The following GPR158 variants were observed in gnomAD, a reference collection of about 807,000 sequenced individuals.
The protein encoded by GPR158 is G protein-coupled receptor 158.
Under a neutral mutation model 78.2 loss-of-function variants are expected in GPR158, and 30 were observed. The ratio of observed to expected loss-of-function variants is 0.38; its 90% confidence interval spans 0.29 to 0.52. GPR158 has a LOEUF of 0.52. GPR158 is among the 20% of genes least tolerant of loss of function. The pLI, the probability that GPR158 is intolerant of heterozygous loss-of-function variation, is 0.83. For missense variants in GPR158, 1,463 were observed against 1,523.5 expected, an observed-to-expected ratio of 0.96 and a Z score of 0.66; for synonymous variants, 581 against 591.1, an observed-to-expected ratio of 0.98 and a Z score of 0.25.
intron 6 of GPR158, among the ~76,000 whole-genome samples, chr10:25,561,014 GAGTA>G (rs1392190672): frequency 7.2e-5 from 11 of 152,028 alleles, no homozygotes. Flanking sequence ...CTTGAATTAA[GAGTA>G]AGAGCAGATC....
chr10:25,323,002 A>G (rs1191267968), intron 2 of GPR158, among the ~76,000 whole-genome samples: 1 of 151,984 alleles, frequency 6.6e-6, no homozygotes, highest in Non-Finnish European at 1.5e-5. Context: ...GCCCGCCACC[A>G]TGCCCGGCTA....
chr10:25,295,538 C>A (rs920872347), intron 2 of GPR158, among the ~76,000 whole-genome samples: 2 of 151,914 alleles, frequency 1.3e-5, no homozygotes, highest in Non-Finnish European at 2.9e-5. Context: ...CTCAGCCTCC[C>A]GAGTAGCTGG....
At chr10:25,255,792 T>C (rs1853882024) in intron 2 of GPR158, among the ~76,000 whole-genome samples, 1 of 152,192 alleles carries the variant, frequency 6.6e-6, no homozygotes, top group African/African-American at 2.4e-5. Flanking sequence ...ATAATTTTCA[T>C]TTTGACTCAA....
At chr10:25,425,466 G>A (rs987558156) in intron 4 of GPR158, among the ~76,000 whole-genome samples, 1 of 151,826 alleles carries the variant, frequency 6.6e-6, no homozygotes, top group Admixed American at 6.6e-5. Context: ...TCGGCCATTT[G>A]TATATCTTCT....
At chr10:25,567,175 A>G (rs1249262914) in intron 6 of GPR158, among the ~76,000 whole-genome samples, 1 of 152,204 alleles carries the variant, frequency 6.6e-6, no homozygotes, top group Non-Finnish European at 1.5e-5. Context: ...GCAAAATCAC[A>G]TACAAATGCA....
chr10:25,587,100 G>A (rs935860106), intron 7 of GPR158, among the ~76,000 whole-genome samples: 7 of 152,180 alleles, frequency 4.6e-5, no homozygotes. Flanking sequence ...AAGAGAAGTT[G>A]GTCAACAGGA....
At chr10:25,575,122 G>A (rs763821998) in intron 7 of GPR158, among the ~76,000 whole-genome samples, 30 of 151,816 alleles carry the variant, frequency 2.0e-4, no homozygotes, top group Admixed American at 5.2e-4. Context: ...ATGAAACATG[G>A]AGGAAATGCC....
intron 7 of GPR158, among the ~76,000 whole-genome samples, chr10:25,586,391 ATT>A (rs71399977): frequency 0.023 from 1,616 of 70,202 alleles, 6 homozygotes; most frequent in African/African-American, 0.029. Flanking sequence ...GTATGTGTGA[ATT>A]TTTTTTTTTT....
rs1837248400 is a variant in GPR158, at chr10:25,585,036, A to G, written c.1754-3971A>G. On this transcript the variant is annotated intron_variant, in intron 7 of 10. Transcript: ENST00000376351. ...ATTGTCCAGTGGGAGGTCCCAGGTT[A>G]CAAAACCAATCAGCTATTTGGCTGT... 3.3e-5 allele frequency among the ~76,000 whole-genome samples: 5 copies of G among 152,368 alleles called. No homozygotes were observed. In the South Asian group the frequency reaches 1.0e-3, roughly 32 times the overall value.
intron 2 of GPR158, among the ~76,000 whole-genome samples, chr10:25,368,302 C>G (rs553505027): frequency 6.6e-6 from 1 of 151,588 alleles, no homozygotes; most frequent in Admixed American, 6.6e-5. Flanking sequence ...TTAGAGTAAA[C>G]AGACAACCTA....
chr10:25,546,934 G>A (rs574278202), intron 5 of GPR158, among the ~76,000 whole-genome samples: 28 of 152,196 alleles, frequency 1.8e-4, no homozygotes, highest in Non-Finnish European at 4.0e-4. Flanking sequence ...ATTAGTGGAA[G>A]TAGTGATGTT....
chr10:25,250,432 T>C (rs1853777441), intron 2 of GPR158, among the ~76,000 whole-genome samples: 1 of 147,564 alleles, frequency 6.8e-6, no homozygotes, highest in African/African-American at 2.5e-5. Flanking sequence ...TCTTTCCTGC[T>C]TTCTCTTGTG....
At chr10:25,442,875 C>G (rs1835086731) in intron 4 of GPR158, among the ~76,000 whole-genome samples, 1 of 152,144 alleles carries the variant, frequency 6.6e-6, no homozygotes, top group Non-Finnish European at 1.5e-5. Context: ...CATCCTCCTT[C>G]AATTTATTCT....
At chr10:25,342,007 C>T (rs1172488832) in intron 2 of GPR158, among the ~76,000 whole-genome samples, 6 of 151,966 alleles carry the variant, frequency 3.9e-5, no homozygotes, top group African/African-American at 1.4e-4. Flanking sequence ...ACTTATTGCT[C>T]TTATTTTCAG....
At chr10:25,247,165 T>G (rs1431013884) in intron 2 of GPR158, among the ~76,000 whole-genome samples, 1 of 152,308 alleles carries the variant, frequency 6.6e-6, no homozygotes, top group South Asian at 2.1e-4. Context: ...TGACATCCCA[T>G]TGAGATGACA....
At chr10:25,502,302 C>T (rs977371276) in intron 5 of GPR158, among the ~76,000 whole-genome samples, 2 of 152,154 alleles carry the variant, frequency 1.3e-5, no homozygotes, top group African/African-American at 2.4e-5. Flanking sequence ...CCCTAGGACC[C>T]GTGACAGGGG....
rs147555880 is a variant in GPR158 at position 25,506,311 on chromosome 10, A to G, written c.1404+39592A>G. ...GATGACATTCTGTTAAGTCTCATAA[A>G]GTTATAGTCATGAAGAGATTATTGA... On this transcript the variant is annotated intron_variant, in intron 5 of 10. Transcript: ENST00000376351. Among the ~76,000 whole-genome samples, 345 of 152,376 alleles carry G rather than the reference A, an allele frequency of 2.3e-3. 2 individuals carry two copies. The highest frequency in any genetic ancestry group is 3.6e-3 in the Non-Finnish European group (244 of 68,042).
At chr10:25,378,718 C>T (rs1376756014) in intron 2 of GPR158, among the ~76,000 whole-genome samples, 1 of 152,082 alleles carries the variant, frequency 6.6e-6, no homozygotes, top group Non-Finnish European at 1.5e-5. Flanking sequence ...GTAAGTTATT[C>T]CTTTTACCTT....
At chr10:25,522,449 C>A (rs944688155) in intron 5 of GPR158, among the ~76,000 whole-genome samples, 1 of 152,036 alleles carries the variant, frequency 6.6e-6, no homozygotes, top group Admixed American at 6.6e-5. Context: ...CCCTTGTAAC[C>A]CTGTTGATGG....
Sources: gnomAD v4.1 joint callset for allele counts (sites outside exome capture counted in the v4.1 genomes callset) on GRCh38, gnomAD v4.1.1 for gene constraint, MANE v1.5 for transcripts, NCBI Gene and HGNC (gene_info 2026-07-23, HGNC 2026-07-21) for gene names.